Variants in MDFIC2 observed in about 807,000 individuals in gnomAD.
The protein encoded by MDFIC2 is MyoD family inhibitor domain containing 2.
At chr3:70,224,037 C>T (rs1001810698) in intron 2 of MDFIC2, among the ~76,000 whole-genome samples, 2 of 151,990 alleles carry the variant, frequency 1.3e-5, no homozygotes, top group African/African-American at 4.8e-5. Context: ...CCCCATATAT[C>T]TTGATCTCTA....
At chr3:70,230,679 A>G (rs975841341) in intron 2 of MDFIC2, among the ~76,000 whole-genome samples, 1 of 152,172 alleles carries the variant, frequency 6.6e-6, no homozygotes, top group African/African-American at 2.4e-5. Context: ...TTGATAATCA[A>G]TTCTAGGTTT....
chr3:70,259,284 C>G (rs766608170), intron 2 of MDFIC2, among the ~76,000 whole-genome samples: 1 of 152,028 alleles, frequency 6.6e-6, no homozygotes, highest in Non-Finnish European at 1.5e-5. Flanking sequence ...TGGGAGAAAA[C>G]TGACATTTAT....
intron 2 of MDFIC2, among the ~76,000 whole-genome samples, chr3:70,251,539 G>T (rs750948079): frequency 5.9e-5 from 9 of 152,172 alleles, no homozygotes; most frequent in African/African-American, 1.4e-4. Context: ...CTGGCCTCAT[G>T]ATGGTGGAGT....
At chr3:70,284,026 G>A (rs994501974) in intron 2 of MDFIC2, among the ~76,000 whole-genome samples, 3 of 152,018 alleles carry the variant, frequency 2.0e-5, no homozygotes, top group African/African-American at 7.2e-5. Flanking sequence ...GGGTGGCAGA[G>A]GTATTGGCTA....
intron 2 of MDFIC2, among the ~76,000 whole-genome samples, chr3:70,284,988 TA>T (rs1306512166): frequency 6.6e-6 from 1 of 152,158 alleles, no homozygotes; most frequent in East Asian, 1.9e-4. Flanking sequence ...GGGTTAAACT[TA>T]AATCACTGCA....
In MDFIC2 at chr3:70,244,997, C is replaced by T. The variant is rs116522710; in HGVS notation, c.89-38207G>A. ...TTATCTGGTGCTATTAGACATAAAG[C>T]CAGTGAGCCCTGGTCCCAGAACTGC... On this transcript the variant is annotated intron_variant, in intron 2 of 3. Transcript: ENST00000567252. Among the ~76,000 whole-genome samples the T allele has an allele frequency of 8.5e-3, 1,288 of 152,146 alleles. 21 individuals are homozygous for T. The highest frequency in any genetic ancestry group is 0.029 in the African/African-American group (1,213 of 41,520).
intron 2 of MDFIC2, among the ~76,000 whole-genome samples, chr3:70,274,427 T>C (rs1327171012): frequency 6.6e-6 from 1 of 150,940 alleles, no homozygotes; most frequent in Admixed American, 6.6e-5. Context: ...TTAATGACAT[T>C]GTTCATCAAC....
chr3:70,281,953 A>G (rs1317127967), intron 2 of MDFIC2, among the ~76,000 whole-genome samples: 1 of 152,196 alleles, frequency 6.6e-6, no homozygotes, highest in Admixed American at 6.5e-5. Flanking sequence ...CACCCTGTGT[A>G]CTGCACAAGG....
intron 2 of MDFIC2, among the ~76,000 whole-genome samples, chr3:70,308,221 T>C (rs1702421100): frequency 6.8e-6 from 1 of 147,316 alleles, no homozygotes; most frequent in East Asian, 2.1e-4. Flanking sequence ...CAGCTAATTT[T>C]ATTTTTTTGT....
intron 2 of MDFIC2, chr3:70,283,589 G>C (rs1312553731): frequency 6.6e-6 from 1 of 152,040 alleles, no homozygotes; most frequent in Non-Finnish European, 1.5e-5. Context: ...CAATGAGCTT[G>C]GTTGTGTCCA....
At chr3:70,273,231 T>C (rs1483581281) in intron 2 of MDFIC2, among the ~76,000 whole-genome samples, 2 of 152,200 alleles carry the variant, frequency 1.3e-5, no homozygotes. Flanking sequence ...TCCCCAGAGA[T>C]GGAATAGCAA....
intron 2 of MDFIC2, among the ~76,000 whole-genome samples, chr3:70,281,341 C>G (rs1032621406): frequency 2.0e-5 from 3 of 152,160 alleles, no homozygotes; most frequent in Non-Finnish European, 4.4e-5. Flanking sequence ...TCCATTCTCT[C>G]TCAACTTCAT....
chr3:70,290,688 A>T (rs1033433568), intron 2 of MDFIC2, among the ~76,000 whole-genome samples: 2 of 151,784 alleles, frequency 1.3e-5, no homozygotes, highest in African/African-American at 4.8e-5. Flanking sequence ...TTGATCTCAG[A>T]CTGCTGTGCT....
chr3:70,291,881 C>G (rs186260853), intron 2 of MDFIC2: 113 of 152,296 alleles, frequency 7.4e-4, no homozygotes, highest in African/African-American at 2.6e-3. Flanking sequence ...ATGTAGGAGT[C>G]TAATATTTTC....
chr3:70,302,900 G>A (rs970294338), intron 2 of MDFIC2, among the ~76,000 whole-genome samples: 11 of 152,118 alleles, frequency 7.2e-5, no homozygotes, highest in Admixed American at 5.2e-4. Flanking sequence ...CATAGGCTTA[G>A]TTGGAAAGAA....
intron 2 of MDFIC2, among the ~76,000 whole-genome samples, chr3:70,217,673 A>G (rs1330926470): frequency 6.6e-6 from 1 of 152,136 alleles, no homozygotes; most frequent in East Asian, 1.9e-4. Context: ...TCACAACTAG[A>G]TTCATTGGTA....
At chr3:70,293,084 A>C (rs886162416) in intron 2 of MDFIC2, among the ~76,000 whole-genome samples, 1 of 149,948 alleles carries the variant, frequency 6.7e-6, no homozygotes, top group Admixed American at 6.7e-5. Flanking sequence ...AGCATATTAC[A>C]TGACGAGAAG....
intron 2 of MDFIC2, among the ~76,000 whole-genome samples, chr3:70,292,977 C>T (rs913278338): frequency 1.5e-5 from 2 of 133,480 alleles, no homozygotes; most frequent in Non-Finnish European, 3.1e-5. Context: ...AATGTTTCAT[C>T]TTTTCCAAAG....
rs549162920 is a variant in MDFIC2, at chr3:70,288,158, C to G, written c.88+23728G>C. Among the ~76,000 whole-genome samples, 372 of 143,952 alleles carry G rather than the reference C, an allele frequency of 2.6e-3. 2 individuals are homozygous for G. Among genetic ancestry groups the G allele is most frequent in the African/African-American group, 8.9e-3 (340 of 38,286 alleles). 94.4% of individuals were successfully genotyped at this position (143,952 alleles called of 152,430 possible). On this transcript the variant is annotated intron_variant, in intron 2 of 3. Transcript: ENST00000567252. ...TCTTTTAATTGTGATGTTAGGGTGT[C>G]AATTTTGGATCTTTCCTGCTTTCTC...
Sources: gnomAD v4.1 joint callset for allele counts (sites outside exome capture counted in the v4.1 genomes callset) on GRCh38, gnomAD v4.1.1 for gene constraint, MANE v1.5 for transcripts, NCBI Gene and HGNC (gene_info 2026-07-23, HGNC 2026-07-21) for gene names.